TUBB3: variants seen among roughly 807,000 people sequenced by gnomAD.
The protein encoded by TUBB3 is tubulin beta 3 class III, also known as tubulin beta-3 chain.
In TUBB3, 17 loss-of-function variants were observed where a neutral mutation model predicts 37.8. The ratio of observed to expected loss-of-function variants is 0.45; its 90% confidence interval spans 0.31 to 0.67. TUBB3 has a LOEUF of 0.67. Among genes scored for constraint, TUBB3 ranks in the 30% least tolerant of loss-of-function variants. The pLI, the probability that TUBB3 is intolerant of heterozygous loss-of-function variation, is 0.07. For missense variants in TUBB3, 262 were observed against 657.9 expected, an observed-to-expected ratio of 0.40 and a Z score of 6.58; for synonymous variants, 332 against 278.9, an observed-to-expected ratio of 1.19 and a Z score of -1.90.
intron 1 of TUBB3, among the ~76,000 whole-genome samples, chr16:89,924,226 C>T (rs2029990992): frequency 6.6e-6 from 1 of 152,222 alleles, no homozygotes; most frequent in Non-Finnish European, 1.5e-5. Context: ...TGGGGCCACG[C>T]AGAAAGGGGC....
At chr16:89,927,337 G>T (rs75759825) in intron 1 of TUBB3, among the ~76,000 whole-genome samples, 4 of 151,752 alleles carry the variant, frequency 2.6e-5, no homozygotes, top group African/African-American at 9.7e-5. Context: ...GTGAGCTGAG[G>T]TCATGCCCCT....
chr16:89,926,618 G>A (rs987021567), intron 1 of TUBB3, among the ~76,000 whole-genome samples: 1 of 152,272 alleles, frequency 6.6e-6, no homozygotes, highest in African/African-American at 2.4e-5. Flanking sequence ...CTGTCGCCCG[G>A]GCTGGCGTCC....
At chr16:89,931,806 A>T in intron 1 of TUBB3, 1 of 373,590 alleles carries the variant, frequency 2.7e-6, no homozygotes, top group South Asian at 1.9e-5. Flanking sequence ...GGCAGCTGTC[A>T]TGGGAGCAGA....
intron 1 of TUBB3, chr16:89,932,144 C>T (rs567592620): frequency 3.1e-6 from 1 of 320,466 alleles, no homozygotes; most frequent in Admixed American, 4.4e-5. Context: ...CCTCTGAACC[C>T]TGCTCTGCCA....
chr16:89,932,714 T>A (rs776585037), intron 2 of TUBB3, 35 bp downstream of exon 2: 3 of 1,559,164 alleles, frequency 1.9e-6, no homozygotes, highest in Non-Finnish European at 2.6e-6. Flanking sequence ...ATCCCAGCCC[T>A]GGACTGACCA....
At position 89,923,521 on chromosome 16, in the gene TUBB3, C is replaced by T. The variant is rs929760240; in HGVS notation, c.57+63C>T. On this transcript the variant is annotated intron_variant, in intron 1 of 3. Coordinates refer to ENST00000315491, the MANE Select transcript of TUBB3 (RefSeq NM_006086.4). ...GCGGGAGGAGGGAGGCGCCGTGCCC[C>T]GCGGGCCGCACCTCCAGCTGCCCCC... 3.8e-6 allele frequency: 5 copies of T among 1,322,786 alleles called. No individual in the cohort carries two copies. The Admixed American group carries it at 1.1e-4, about 29-fold the overall frequency. 81.9% of individuals were successfully genotyped at this position (1,322,786 alleles called of 1,614,324 possible).
Position 89,930,896 on chromosome 16 carries a change from C to T in TUBB3, c.58-1675C>T, listed in dbSNP as rs910323050. The stretch of plus-strand genomic sequence containing the variant: ...AGGCTGGAGTGCAATGGCATGATCT[C>T]AGCTCACTGCAAGCTCCACCTCCTG... On this transcript the variant is annotated intron_variant, in intron 1 of 3. Coordinates refer to ENST00000315491, the MANE Select transcript of TUBB3 (RefSeq NM_006086.4). 5.3e-5 allele frequency among the ~76,000 whole-genome samples: 8 copies of T among 151,298 alleles called. 1 individual carries two copies. The highest frequency in any genetic ancestry group is 2.6e-4 in the Admixed American group (4 of 15,176).
intron 3 of TUBB3, 126 bp downstream of exon 3, chr16:89,933,704 C>T (rs1011243344): frequency 2.5e-6 from 2 of 816,268 alleles, no homozygotes; most frequent in Non-Finnish European, 4.3e-6. Context: ...ATGGTGGGAA[C>T]TCATCTCTCC....
In TUBB3 at chr16:89,923,559, C is replaced by T. The variant is rs2029962849; in HGVS notation, c.57+101C>T. ...TCCAGCTGCCCCCGCCCCTGCGAAC[C>T]TGCAACAAAGGGATGCGCCCAGCGC... On this transcript the variant is annotated intron_variant, in intron 1 of 3. Coordinates refer to ENST00000315491, the MANE Select transcript of TUBB3 (RefSeq NM_006086.4). The T allele has an allele frequency of 3.4e-6, 4 of 1,170,034 alleles. 1 individual carries two copies. The South Asian group carries it at 8.0e-5, about 23-fold the overall frequency. The allele number at this position is 1,170,034 out of a possible 1,614,324, so 72.5% of individuals were successfully genotyped here.
intron 1 of TUBB3, among the ~76,000 whole-genome samples, chr16:89,923,682 C>G (rs546694918): frequency 1.3e-5 from 2 of 152,186 alleles, no homozygotes; most frequent in African/African-American, 4.8e-5. Flanking sequence ...AGGCGCAGCT[C>G]ACGTCAGTCG....
rs1220586790 is a variant in TUBB3, at chr16:89,934,769, C to T, written c.318C>T (p.Tyr106=). 7 of 1,614,130 alleles carry T rather than the reference C, an allele frequency of 4.3e-6. No individual in the cohort carries two copies. The highest frequency in any genetic ancestry group is 3.3e-5 in the Admixed American group (2 of 60,016). ...GCAACAACTGGGCCAAGGGTCACTA[C>T]ACGGAGGGGGCGGAGCTGGTGGATT... ...GAGNNWAKGH[Y]TEGAELVDSV... is the part of the protein sequence containing the mutation. The change falls in exon 4 of 4, where the codon TAC becomes TAT. Residue 106 remains tyrosine (Y), a synonymous_variant. Coordinates refer to ENST00000315491, the MANE Select transcript of TUBB3 (RefSeq NM_006086.4).
chr16:89,936,084 T>C lies in TUBB3; in HGVS notation c.*280T>C. 3.7e-6 allele frequency: 2 copies of C among 543,902 alleles called. No homozygotes were observed. The highest frequency in any genetic ancestry group is 4.3e-5 in the South Asian group (2 of 46,112). 33.7% of individuals were successfully genotyped at this position (543,902 alleles called of 1,614,324 possible). A position where few individuals can be genotyped will look rare whatever the true frequency, so the allele number is the denominator to read the frequency against. ...CGGGGATACTTAATAAATCTATTGC[T>C]GTCAGATACCCTTGCTTGGTGCCAG... On this transcript the variant is annotated 3_prime_UTR_variant, in exon 4 of 4. Transcript: ENST00000315491.
chr16:89,927,403 T>G (rs1230575253), intron 1 of TUBB3, among the ~76,000 whole-genome samples: 1 of 151,516 alleles, frequency 6.6e-6, no homozygotes, highest in African/African-American at 2.4e-5. Flanking sequence ...AAAGGAACAA[T>G]ATATTTTATT....
chr16:89,932,068 C>T (rs1198329997), intron 1 of TUBB3: 1 of 288,414 alleles, frequency 3.5e-6, no homozygotes, highest in Admixed American at 4.4e-5. Flanking sequence ...GGCACCATCA[C>T]TGGACATGGT....
In TUBB3 at chr16:89,935,177, C is replaced by T. The variant is rs2030410422; in HGVS notation, c.726C>T (p.Phe242=). ...TMSGVTTSLR[F]PGQLNADLRK... Reference sequence around the variant, plus strand: ...GCGGAGTCACCACCTCCTTGCGCTTCCCGGGCCAGCTCAACGCTGACCTGC... The same window carrying T: ...GCGGAGTCACCACCTCCTTGCGCTTTCCGGGCCAGCTCAACGCTGACCTGC... The change falls in exon 4 of 4, where the codon TTC becomes TTT. Residue 242 remains phenylalanine, a synonymous_variant. Coordinates refer to ENST00000315491, the MANE Select transcript of TUBB3 (RefSeq NM_006086.4). 6.2e-7 allele frequency: 1 copy of T among 1,613,940 alleles called. No homozygotes were observed. The highest frequency in any genetic ancestry group is 2.2e-5 in the East Asian group (1 of 44,886).
In TUBB3 at chr16:89,933,183, C is replaced by T. The variant is rs756628703; in HGVS notation, c.167-285C>T. The T allele has an allele frequency of 1.2e-5, 8 of 662,172 alleles. No individual in the cohort carries two copies. In the African/African-American group the frequency reaches 1.2e-4, roughly 10 times the overall value. 41.0% of individuals were successfully genotyped at this position (662,172 alleles called of 1,614,324 possible). ...ACTCAAGCGATCCACCTGCCTTGGCCTCCCAAAGTGTTGGGAGTGCAGACA... is the reference window on the plus strand; with the variant it reads ...ACTCAAGCGATCCACCTGCCTTGGCTTCCCAAAGTGTTGGGAGTGCAGACA... On this transcript the variant is annotated intron_variant, in intron 2 of 3. Transcript: ENST00000315491.
chr16:89,933,524 A>G lies in TUBB3; in HGVS notation c.223A>G (p.Ser75Gly). Residue 75 changes from serine (S) to glycine (G), a missense_variant, in exon 3 of 4, where the codon AGT becomes GGT. Physicochemically the swap from Ser to Gly is moderately conservative, Grantham distance 56 (BLOSUM62 0). Around this residue, in one of 3 missense-constraint regions of TUBB3, gnomAD observed 165 missense variants for 556.8 expected, o/e 0.30. Coordinates refer to ENST00000315491, the MANE Select transcript of TUBB3 (RefSeq NM_006086.4). ...LVDLEPGTMD[S>G]VRSGAFGHLF... ...GGACCTGGAACCCGGAACCATGGAC[A>G]GTGTCCGCTCAGGGGCCTTTGGACA... 6.2e-7 allele frequency: 1 copy of G among 1,614,154 alleles called. No homozygotes were observed. Among genetic ancestry groups the G allele is most frequent in the Non-Finnish European group, 8.5e-7 (1 of 1,180,028 alleles).
intron 3 of TUBB3, 194 bp downstream of exon 3, chr16:89,933,772 C>T: frequency 1.4e-6 from 1 of 706,676 alleles, no homozygotes; most frequent in Non-Finnish European, 2.6e-6. Flanking sequence ...GAACAGAAAC[C>T]ACTCATGCAT....
At chr16:89,923,311 CTATAAGAGCGCGCGGCCGCGGT>C, upstream of TUBB3, 1 of 1,134,836 alleles carries the variant, frequency 8.8e-7, no homozygotes, top group Non-Finnish European at 1.1e-6. Context: ...GGGGCCGCGG[CTATAAGAGCGCGCGGCCGCGGT>C]CCCCGACCCT....
Sources: allele counts gnomAD v4.1 joint callset (sites outside exome capture counted in the v4.1 genomes callset), GRCh38; gene constraint gnomAD v4.1.1; regional missense constraint gnomAD v4.1.1; transcripts MANE v1.5; gene names NCBI Gene and HGNC (gene_info 2026-07-23, HGNC 2026-07-21).